The following KLHL32 variants were observed in gnomAD, a reference collection of about 807,000 sequenced individuals.
KLHL32 encodes the protein kelch-like protein 32.
In KLHL32, 35 loss-of-function variants were observed where a neutral mutation model predicts 64.8. That is an observed-to-expected ratio of 0.54 (90% CI 0.41 to 0.72). The LOEUF (loss-of-function observed/expected upper bound fraction) is 0.72. Among genes scored for constraint, KLHL32 ranks in the 30% least tolerant of loss-of-function variants. KLHL32 has a pLI of 0.00. For synonymous variants in KLHL32, 259 were observed against 281.0 expected (o/e 0.92, Z 0.78); for missense variants, 589 against 768.5 (o/e 0.77, Z 2.76).
At chr6:96,923,111 T>C (rs1298392857), upstream of KLHL32, among the ~76,000 whole-genome samples, 4 of 152,206 alleles carry the variant, frequency 2.6e-5, no homozygotes, top group Non-Finnish European at 5.9e-5. Flanking sequence ...GTGGTGTAAA[T>C]ATTCTTTTCC....
intron 5 of KLHL32, among the ~76,000 whole-genome samples, chr6:97,068,580 A>G (rs964476103): frequency 3.9e-5 from 6 of 152,244 alleles, no homozygotes; most frequent in Non-Finnish European, 5.9e-5. Flanking sequence ...TTTTTAACAA[A>G]TAATAGGAAA....
chr6:97,130,830 T>G lies in KLHL32; in HGVS notation c.1487T>G (p.Leu496Arg). ...YHSMAAVQRKLYVLGGNDLDY... is the reference protein window; with the variant it reads ...YHSMAAVQRKRYVLGGNDLDY... ...TCCATGGCTGCTGTACAAAGGAAGC[T>G]TTATGTTCTTGGAGGCAATGACCTA... is the stretch of plus-strand genomic sequence containing the variant. Residue 496 changes from leucine (L) to arginine (R), a missense_variant, in exon 9 of 11, where the codon CTT (leucine) becomes CGT (arginine). Leu to Arg is a moderately radical substitution (Grantham distance 102, BLOSUM62 -2). Around this residue, in one of 3 missense-constraint regions of KLHL32, gnomAD observed 172 missense variants for 192.0 expected, o/e 0.90. Transcript: ENST00000369261. 2 of 1,614,134 alleles carry G rather than the reference T, an allele frequency of 1.2e-6. No individual in the cohort carries two copies. The highest frequency in any genetic ancestry group is 3.3e-4 in the Middle Eastern group (2 of 6,062).
At chr6:97,020,316 A>G (rs1258466201) in intron 3 of KLHL32, among the ~76,000 whole-genome samples, 2 of 151,158 alleles carry the variant, frequency 1.3e-5, no homozygotes, top group Non-Finnish European at 1.5e-5. Flanking sequence ...AAAAAGAAAT[A>G]CAATATAAAA....
chr6:97,116,757 C>T (rs1200016471), intron 7 of KLHL32, among the ~76,000 whole-genome samples: 3 of 152,190 alleles, frequency 2.0e-5, no homozygotes, highest in Non-Finnish European at 4.4e-5. Context: ...AGCTGACTTC[C>T]CTTTCAATAT....
the KLHL32 span, among the ~76,000 whole-genome samples, chr6:96,899,043 G>T: frequency 6.6e-6 from 1 of 152,134 alleles, no homozygotes; most frequent in East Asian, 1.9e-4. Context: ...GAAAGGGAAA[G>T]TTTTTTAAAA....
At chr6:97,129,939 T>C (rs1799258639) in intron 8 of KLHL32, among the ~76,000 whole-genome samples, 1 of 152,014 alleles carries the variant, frequency 6.6e-6, no homozygotes, top group African/African-American at 2.4e-5. Context: ...AACAAATAAA[T>C]GTGTGCCTAG....
intron 3 of KLHL32, among the ~76,000 whole-genome samples, chr6:96,977,807 A>G (rs1458184956): frequency 6.6e-6 from 1 of 152,230 alleles, no homozygotes; most frequent in African/African-American, 2.4e-5. Flanking sequence ...AAACTGAGTA[A>G]TGTAGAAGAT....
intron 2 of KLHL32, among the ~76,000 whole-genome samples, chr6:96,970,330 A>G (rs1380242893): frequency 6.6e-6 from 1 of 152,098 alleles, no homozygotes; most frequent in Admixed American, 6.6e-5. Context: ...CTCGGGCCTT[A>G]CCTGCACCGT....
intron 6 of KLHL32, among the ~76,000 whole-genome samples, chr6:97,085,824 T>C (rs1411272721): frequency 6.6e-6 from 1 of 152,210 alleles, no homozygotes; most frequent in East Asian, 1.9e-4. Context: ...TGCATGGCAG[T>C]GGAAAAATCT....
At chr6:97,084,220 T>C (rs1793044688) in intron 5 of KLHL32, among the ~76,000 whole-genome samples, 1 of 152,216 alleles carries the variant, frequency 6.6e-6, no homozygotes, top group African/African-American at 2.4e-5. Context: ...ATTATATTAA[T>C]AATTGTAAGT....
chr6:97,034,404 G>C, intron 3 of KLHL32, among the ~76,000 whole-genome samples: 1 of 152,060 alleles, frequency 6.6e-6, no homozygotes. Context: ...ATACTGTTTT[G>C]ATTACTGTAG....
chr6:97,106,202 A>G (rs1262986628), intron 6 of KLHL32, among the ~76,000 whole-genome samples: 1 of 152,178 alleles, frequency 6.6e-6, no homozygotes, highest in East Asian at 1.9e-4. Context: ...TAGGAATATA[A>G]CTTTTTTCAT....
the KLHL32 span, among the ~76,000 whole-genome samples, chr6:96,919,553 G>A: frequency 6.6e-6 from 1 of 152,064 alleles, no homozygotes; most frequent in African/African-American, 2.4e-5. Flanking sequence ...AATTTTGCTT[G>A]ATTAATTTTA....
chr6:97,087,563 A>C (rs779576518), intron 6 of KLHL32, among the ~76,000 whole-genome samples: 1 of 152,196 alleles, frequency 6.6e-6, no homozygotes, highest in Non-Finnish European at 1.5e-5. Flanking sequence ...AAGAAGTGTG[A>C]AGCAAAAGGT....
intron 3 of KLHL32, among the ~76,000 whole-genome samples, chr6:97,025,965 G>A (rs1193083121): frequency 6.6e-6 from 1 of 151,770 alleles, no homozygotes; most frequent in Admixed American, 6.6e-5. Context: ...CTATAGGGAG[G>A]CCCTAGAAGA....
chr6:96,910,095 G>C, the KLHL32 span, among the ~76,000 whole-genome samples: 1 of 152,082 alleles, frequency 6.6e-6, no homozygotes, highest in African/African-American at 2.4e-5. Flanking sequence ...TATCACTTTG[G>C]GAGTGGGCGC....
intron 3 of KLHL32, chr6:96,994,757 T>A (rs1438693087): frequency 2.2e-5 from 11 of 503,764 alleles, no homozygotes; most frequent in Non-Finnish European, 2.8e-5. Flanking sequence ...CTTTAAAAAA[T>A]AACAAAAATG....
intron 5 of KLHL32, among the ~76,000 whole-genome samples, chr6:97,070,980 C>A (rs1330923084): frequency 6.6e-6 from 1 of 152,142 alleles, no homozygotes; most frequent in Non-Finnish European, 1.5e-5. Flanking sequence ...TGAAGCTAAA[C>A]CACCTTTCTG....
intron 4 of KLHL32, among the ~76,000 whole-genome samples, chr6:97,042,571 T>C (rs1044140099): frequency 1.3e-5 from 2 of 152,058 alleles, no homozygotes; most frequent in African/African-American, 2.4e-5. Flanking sequence ...GTTTACAATG[T>C]GGAATGATTA....
Sources: gnomAD v4.1 joint callset for allele counts (sites outside exome capture counted in the v4.1 genomes callset) on GRCh38, gnomAD v4.1.1 for gene constraint, gnomAD v4.1.1 regional missense constraint, MANE v1.5 for transcripts, NCBI Gene and HGNC (gene_info 2026-07-23, HGNC 2026-07-21) for gene names.